Variants in MYRIP observed in about 807,000 individuals in gnomAD.
MYRIP encodes myosin VIIA and Rab interacting protein.
MYRIP carries 49 observed loss-of-function variants against 98.0 expected under a neutral mutation model. That is an observed-to-expected ratio of 0.50 (90% CI 0.40 to 0.63). The LOEUF (loss-of-function observed/expected upper bound fraction) is 0.63. MYRIP is among the 30% of genes least tolerant of loss of function. The pLI is 0.00. For missense variants in MYRIP, 1,004 were observed against 1,058.2 expected (o/e 0.95, Z 0.71); for synonymous variants, 404 against 409.5 (o/e 0.99, Z 0.16).
chr3:39,837,745 T>C (rs1483114411), intron 1 of MYRIP, among the ~76,000 whole-genome samples: 1 of 152,148 alleles, frequency 6.6e-6, no homozygotes, highest in Non-Finnish European at 1.5e-5. Context: ...TTTTCTAATT[T>C]TATGAAGAAA....
intron 3 of MYRIP, among the ~76,000 whole-genome samples, chr3:40,111,194 T>A (rs1289168922): frequency 6.6e-6 from 1 of 152,066 alleles, no homozygotes; most frequent in Non-Finnish European, 1.5e-5. Context: ...CTGCTCAGGA[T>A]GGTTCACAAG....
At chr3:40,241,465 A>G (rs573131836) in intron 12 of MYRIP, among the ~76,000 whole-genome samples, 2 of 152,380 alleles carry the variant, frequency 1.3e-5, no homozygotes, top group East Asian at 3.9e-4. Flanking sequence ...AGTCCCCTAA[A>G]GTATAATTCA....
At chr3:40,248,955 TA>T (rs111719456) in intron 13 of MYRIP, among the ~76,000 whole-genome samples, 8 of 152,354 alleles carry the variant, frequency 5.3e-5, no homozygotes, top group South Asian at 2.1e-4. Flanking sequence ...GGCCTTCACC[TA>T]CCTCCTCCTC....
At chr3:39,888,482 A>G (rs1211914162) in intron 1 of MYRIP, among the ~76,000 whole-genome samples, 1 of 152,194 alleles carries the variant, frequency 6.6e-6, no homozygotes, top group East Asian at 1.9e-4. Flanking sequence ...CCATATGTAG[A>G]AAGCTGAAAC....
intron 1 of MYRIP, among the ~76,000 whole-genome samples, chr3:39,837,810 A>G (rs939834948): frequency 6.6e-6 from 1 of 151,900 alleles, no homozygotes; most frequent in Non-Finnish European, 1.5e-5. Context: ...TTTGGGCAGA[A>G]TGGCCATTTT....
At chr3:40,063,577 T>C (rs1948064403) in intron 3 of MYRIP, among the ~76,000 whole-genome samples, 1 of 152,236 alleles carries the variant, frequency 6.6e-6, no homozygotes, top group East Asian at 1.9e-4. Context: ...TATATAATTT[T>C]GGAAGTAGAA....
chr3:39,964,497 G>T (rs1031190881), intron 2 of MYRIP, among the ~76,000 whole-genome samples: 2 of 152,132 alleles, frequency 1.3e-5, no homozygotes, highest in African/African-American at 4.8e-5. Flanking sequence ...GGTTACTATA[G>T]ATAAATTCTT....
chr3:39,832,319 A>G (rs1176474245), intron 1 of MYRIP, among the ~76,000 whole-genome samples: 1 of 152,222 alleles, frequency 6.6e-6, no homozygotes, highest in Non-Finnish European at 1.5e-5. Context: ...GATGTCTTAC[A>G]TTGCTTCCTT....
In MYRIP at chr3:40,225,809, C is replaced by T. The variant is rs529913176; in HGVS notation, c.1906-8050C>T. 2.6e-5 allele frequency among the ~76,000 whole-genome samples: 4 copies of T among 152,302 alleles called. No individual in the cohort carries two copies. The South Asian group carries it at 8.3e-4, about 32-fold the overall frequency. On this transcript the variant is annotated intron_variant, in intron 11 of 16. Transcript: ENST00000302541. ...AGTCTCTCGCGAACAACATTCAGCA[C>T]GGGGAGAAGCCATGGCCACATATTT... is the stretch of plus-strand genomic sequence containing the variant.
chr3:39,934,082 C>T (rs535260566), intron 2 of MYRIP, among the ~76,000 whole-genome samples: 51 of 152,280 alleles, frequency 3.3e-4, no homozygotes, highest in Non-Finnish European at 5.6e-4. Flanking sequence ...GCATAAATGT[C>T]TGAGAACACC....
At chr3:40,109,023 C>T (rs1949107406) in intron 3 of MYRIP, among the ~76,000 whole-genome samples, 1 of 152,194 alleles carries the variant, frequency 6.6e-6, no homozygotes, top group African/African-American at 2.4e-5. Context: ...TGTAATTATT[C>T]AAACAAGCCA....
At chr3:40,173,137 C>A (rs1375279680) in intron 8 of MYRIP, 1 of 152,138 alleles carries the variant, frequency 6.6e-6, no homozygotes, top group Non-Finnish European at 1.5e-5. Flanking sequence ...TAACACAGGA[C>A]CAATACCTTT....
At chr3:39,816,724 G>T (rs1219633788) in intron 1 of MYRIP, among the ~76,000 whole-genome samples, 1 of 152,134 alleles carries the variant, frequency 6.6e-6, no homozygotes. Flanking sequence ...TAAACTAAGT[G>T]TGTTAATATA....
At chr3:39,874,553 G>A (rs563634500) in intron 1 of MYRIP, among the ~76,000 whole-genome samples, 12 of 152,268 alleles carry the variant, frequency 7.9e-5, no homozygotes, top group Admixed American at 3.9e-4. Context: ...AGTATGAAGG[G>A]TTGTTGAATT....
At chr3:40,115,467 CA>C in intron 3 of MYRIP, among the ~76,000 whole-genome samples, 2 of 152,140 alleles carry the variant, frequency 1.3e-5, no homozygotes, top group Non-Finnish European at 1.5e-5. Flanking sequence ...ACAAAACCAT[CA>C]AATCTCATGA....
intron 11 of MYRIP, among the ~76,000 whole-genome samples, chr3:40,219,856 G>A (rs1365295870): frequency 4.6e-5 from 7 of 150,618 alleles, no homozygotes; most frequent in Non-Finnish European, 8.9e-5. Context: ...ACCCAGTAAT[G>A]GGATGGCTGG....
In MYRIP at chr3:40,240,501, T is replaced by C. The variant is rs143874627; in HGVS notation, c.2101-3945T>C. Among the ~76,000 whole-genome samples, 1,428 of 152,202 alleles carry C rather than the reference T, an allele frequency of 9.4e-3. 25 individuals are homozygous for C. The highest frequency in any genetic ancestry group is 0.031 in the African/African-American group (1,305 of 41,530). On this transcript the variant is annotated intron_variant, in intron 12 of 16. Coordinates refer to ENST00000302541, the MANE Select transcript of MYRIP (RefSeq NM_015460.4). ...TCGGGAAGCGCAAGGGGTCAGGGAG[T>C]TCCCTTTCCTAGTCAAAGAAAGTGG...
At chr3:40,066,407 T>C (rs970693052) in intron 3 of MYRIP, among the ~76,000 whole-genome samples, 2 of 152,192 alleles carry the variant, frequency 1.3e-5, no homozygotes, top group Non-Finnish European at 2.9e-5. Context: ...ACTTTTTTTT[T>C]CCTTTATTTA....
chr3:40,142,072 A>G (rs1270182222), intron 3 of MYRIP, among the ~76,000 whole-genome samples: 14 of 59,618 alleles, frequency 2.3e-4, no homozygotes, highest in Non-Finnish European at 2.9e-4. Flanking sequence ...TTTTTTTTTG[A>G]GAGAAGTCTT....
Sources: gnomAD v4.1 joint callset for allele counts (sites outside exome capture counted in the v4.1 genomes callset) on GRCh38, gnomAD v4.1.1 for gene constraint, MANE v1.5 for transcripts, NCBI Gene and HGNC (gene_info 2026-07-23, HGNC 2026-07-21) for gene names.